Variants in UCK2 observed in about 807,000 individuals in gnomAD.
UCK2 encodes uridine-cytidine kinase 2.
UCK2 carries 6 observed loss-of-function variants against 30.8 expected under a neutral mutation model. The ratio of observed to expected loss-of-function variants is 0.19; its 90% CI spans 0.11 to 0.38. The LOEUF (loss-of-function observed/expected upper bound fraction) is 0.38. UCK2 is among the 10% of genes least tolerant of loss of function. The probability of loss-of-function intolerance (pLI) is 1.00; values close to 1 mark genes in which losing one functional copy is unlikely to be tolerated. For synonymous variants in UCK2, 125 were observed against 133.6 expected (o/e 0.94, Z 0.45); for missense variants, 210 against 339.8 (o/e 0.62, Z 3.00).
intron 1 of UCK2, among the ~76,000 whole-genome samples, chr1:165,861,797 G>A (rs1263375918): frequency 6.6e-6 from 1 of 152,264 alleles, no homozygotes; most frequent in East Asian, 1.9e-4. Context: ...AGGTCAGACA[G>A]CACATCTGGA....
intron 1 of UCK2, among the ~76,000 whole-genome samples, chr1:165,853,617 C>A (rs984669882): frequency 2.0e-5 from 3 of 151,996 alleles, no homozygotes; most frequent in Non-Finnish European, 4.4e-5. Context: ...CACTAAACAT[C>A]ATCCTTACCC....
At chr1:165,855,153 G>T (rs931545183) in intron 1 of UCK2, among the ~76,000 whole-genome samples, 4 of 152,208 alleles carry the variant, frequency 2.6e-5, no homozygotes, top group Non-Finnish European at 5.9e-5. Context: ...ACCCTGGAAA[G>T]ATGGATGCTT....
intron 1 of UCK2, among the ~76,000 whole-genome samples, chr1:165,882,958 G>C (rs890402045): frequency 1.3e-5 from 2 of 152,124 alleles, no homozygotes; most frequent in Non-Finnish European, 2.9e-5. Flanking sequence ...CCAAGTAGCT[G>C]GGACTACAGG....
At chr1:165,854,871 A>G (rs753283563) in intron 1 of UCK2, among the ~76,000 whole-genome samples, 3 of 152,068 alleles carry the variant, frequency 2.0e-5, no homozygotes, top group Admixed American at 6.5e-5. Context: ...TTTCCTGCCA[A>G]TCCCCAACTC....
At chr1:165,832,452 C>T (rs1654074252) in intron 1 of UCK2, among the ~76,000 whole-genome samples, 1 of 152,172 alleles carries the variant, frequency 6.6e-6, no homozygotes, top group African/African-American at 2.4e-5. Flanking sequence ...ATTTCTTCCA[C>T]TGTGTTTATT....
At chr1:165,879,641 C>T (rs1197576201) in intron 1 of UCK2, among the ~76,000 whole-genome samples, 1 of 151,608 alleles carries the variant, frequency 6.6e-6, no homozygotes, top group African/African-American at 2.4e-5. Flanking sequence ...CCTCCTTATA[C>T]AGTAACGTGG....
rs143603083 is a variant in UCK2 at position 165,892,050 on chromosome 1, T to TGA, written c.356+747_356+748dup. 3.6e-3 allele frequency: 527 copies of TGA among 144,932 alleles called. 2 individuals are homozygous for TGA. The highest frequency in any genetic ancestry group is 4.9e-3 in the Non-Finnish European group (322 of 66,310). The allele number at this position is 144,932 out of a possible 1,614,324, so 9.0% of individuals were successfully genotyped here. On this transcript the variant is annotated intron_variant, in intron 3 of 6. Transcript: ENST00000367879. ...TGACGATTTGGTTGCAGGAGGAAGATGAGAGAGAGAGAGAGAGAGAATGAG... is the reference window on the plus strand; with the variant it reads ...TGACGATTTGGTTGCAGGAGGAAGATGAGAGAGAGAGAGAGAGAGAGAATGAG...
chr1:165,847,212 G>A (rs1038458602), intron 1 of UCK2, among the ~76,000 whole-genome samples: 2 of 152,098 alleles, frequency 1.3e-5, no homozygotes, highest in African/African-American at 2.4e-5. Flanking sequence ...AAAGTTACTC[G>A]CTGTGTGTCA....
rs571435979 is a variant in UCK2, at chr1:165,829,186, A to G, written c.99+1254A>G. 5.9e-5 allele frequency among the ~76,000 whole-genome samples: 9 copies of G among 152,228 alleles called. No individual in the cohort carries two copies. The East Asian group carries it at 1.2e-3, about 20-fold the overall frequency. ...TATTGATGAAGTTGATCTCGTCCGT[A>G]GCTCCCGGGGTTAGGAATCGGCCTG... On this transcript the variant is annotated intron_variant, in intron 1 of 6. Transcript: ENST00000367879.
intron 1 of UCK2, among the ~76,000 whole-genome samples, chr1:165,829,411 A>G (rs1266617375): frequency 6.6e-6 from 1 of 152,128 alleles, no homozygotes; most frequent in Non-Finnish European, 1.5e-5. Flanking sequence ...GATTGGGAGC[A>G]TTTTTTGTTG....
rs190547706 is a variant in UCK2, at chr1:165,882,898, C to A, written c.100-7306C>A. Among the ~76,000 whole-genome samples, 14 of 152,300 alleles carry A rather than the reference C, an allele frequency of 9.2e-5. No individual in the cohort carries two copies. The East Asian group carries it at 2.5e-3, about 27-fold the overall frequency. On this transcript the variant is annotated intron_variant, in intron 1 of 6. Transcript: ENST00000367879. ...GGAGTGCAGTGGCATGATCTCAGCT[C>A]ACTGTAACCTCTGCCTCCCGGGTTC...
chr1:165,866,045 A>G (rs1052436438), intron 1 of UCK2, among the ~76,000 whole-genome samples: 1 of 151,910 alleles, frequency 6.6e-6, no homozygotes, highest in Admixed American at 6.6e-5. Context: ...TAGGGAGAGG[A>G]AGAAGGGGAG....
chr1:165,848,050 A>G (rs1654495273), intron 1 of UCK2, among the ~76,000 whole-genome samples: 1 of 152,204 alleles, frequency 6.6e-6, no homozygotes, highest in African/African-American at 2.4e-5. Flanking sequence ...ACTTTTCTTC[A>G]TCTTCTGATG....
chr1:165,832,186 G>A (rs1292745826), intron 1 of UCK2, among the ~76,000 whole-genome samples: 1 of 152,132 alleles, frequency 6.6e-6, no homozygotes, highest in Non-Finnish European at 1.5e-5. Flanking sequence ...GCTCAGCTCT[G>A]TTAATACTTT....
intron 1 of UCK2, among the ~76,000 whole-genome samples, chr1:165,888,171 TA>T (rs370756468): frequency 3.5e-4 from 54 of 152,364 alleles, no homozygotes; most frequent in African/African-American, 1.3e-3. Context: ...AAAGATTTCA[TA>T]TTTTTGTTGT....
At chr1:165,837,270 G>C (rs1571263573) in intron 1 of UCK2, among the ~76,000 whole-genome samples, 1 of 152,304 alleles carries the variant, frequency 6.6e-6, no homozygotes, top group Non-Finnish European at 1.5e-5. Flanking sequence ...CTACAGAAGA[G>C]GGTCCTTACA....
At chr1:165,864,195 G>T (rs193076976) in intron 1 of UCK2, among the ~76,000 whole-genome samples, 2 of 152,220 alleles carry the variant, frequency 1.3e-5, no homozygotes, top group East Asian at 3.9e-4. Flanking sequence ...TGATCCACCC[G>T]CCTTGGCCTC....
chr1:165,880,234 C>G (rs188588645), intron 1 of UCK2, among the ~76,000 whole-genome samples: 2 of 152,250 alleles, frequency 1.3e-5, no homozygotes, highest in East Asian at 3.9e-4. Flanking sequence ...GTGTCTCATA[C>G]CCAGAAGGAC....
At chr1:165,905,404 A>G (rs974870043) in intron 5 of UCK2, among the ~76,000 whole-genome samples, 1 of 152,126 alleles carries the variant, frequency 6.6e-6, no homozygotes, top group African/African-American at 2.4e-5. Context: ...TGATCTCCCC[A>G]ACTCAGGAAG....
Sources: gnomAD v4.1 joint callset for allele counts (sites outside exome capture counted in the v4.1 genomes callset) on GRCh38, gnomAD v4.1.1 for gene constraint, MANE v1.5 for transcripts, NCBI Gene and HGNC (gene_info 2026-07-23, HGNC 2026-07-21) for gene names.